The following AHCY variants were observed in gnomAD, a reference collection of about 807,000 sequenced individuals.
AHCY encodes S-adenosyl-L-homocysteine hydrolase.
A neutral mutation model predicts 45.4 loss-of-function variants in AHCY; 24 were observed. The ratio of observed to expected loss-of-function variants is 0.53; its 90% CI spans 0.38 to 0.74. AHCY has a LOEUF of 0.74. Among genes scored for constraint, AHCY ranks in the 30% least tolerant of loss-of-function variants. The pLI is 0.00. For missense variants in AHCY, 449 were observed against 594.1 expected, an observed-to-expected ratio of 0.76 and a Z score of 2.54; for synonymous variants, 245 against 235.1, an observed-to-expected ratio of 1.04 and a Z score of -0.39.
the AHCY span, among the ~76,000 whole-genome samples, chr20:34,262,104 C>CCCAGGAGTTTTTTT: frequency 4.0e-5 from 6 of 151,564 alleles, no homozygotes; most frequent in Non-Finnish European, 8.8e-5. Flanking sequence ...CAGAGTGAGA[C>CCCAGGAGTTTTTTT]TCTGTCTCAA....
the AHCY span, among the ~76,000 whole-genome samples, chr20:34,274,157 C>T: frequency 1.3e-5 from 2 of 152,194 alleles, no homozygotes; most frequent in Non-Finnish European, 2.9e-5. Flanking sequence ...CTGCTGCTCA[C>T]TGCTCGAGGC....
the AHCY span, among the ~76,000 whole-genome samples, chr20:34,249,541 C>G: frequency 1.3e-5 from 2 of 152,172 alleles, no homozygotes; most frequent in African/African-American, 2.4e-5. Flanking sequence ...CATGAGCATG[C>G]AGCTTGTGTA....
At chr20:34,264,542 A>C in the AHCY span, among the ~76,000 whole-genome samples, 1 of 152,326 alleles carries the variant, frequency 6.6e-6, no homozygotes, top group South Asian at 2.1e-4. Flanking sequence ...GAAGCAAAGA[A>C]GAGTCATGAC....
chr20:34,284,718 G>A (rs2036114395), intron 9 of AHCY, among the ~76,000 whole-genome samples: 1 of 152,158 alleles, frequency 6.6e-6, no homozygotes, highest in African/African-American at 2.4e-5. Context: ...AGCTACTCAA[G>A]AGGCTGAGGT....
chr20:34,292,378 T>C lies in AHCY; in HGVS notation c.425A>G (p.Lys142Arg). 1 of 1,613,484 alleles carries C rather than the reference T, an allele frequency of 6.2e-7. No homozygotes were observed. Among genetic ancestry groups the C allele is most frequent in the Non-Finnish European group, 8.5e-7 (1 of 1,180,014 alleles). ...CTCACCTGGCAGAAGCTGCGGGTAC[T>C]TGGTGTGGATGAGGTTGGTGAGGTC... Reference protein sequence around the residue: ...GGDLTNLIHTKYPQLLPGIRG... With the variant: ...GGDLTNLIHTRYPQLLPGIRG... The change falls in exon 4 of 10, where the codon AAG becomes AGG. Residue 142 changes from lysine to arginine, a missense_variant. By Grantham distance (26) the Lys-to-Arg change is conservative. Coordinates refer to ENST00000217426, the MANE Select transcript of AHCY (RefSeq NM_000687.4).
intron 2 of AHCY, 144 bp downstream of exon 2, chr20:34,295,251 G>A (rs946202810): frequency 9.9e-7 from 1 of 1,005,760 alleles, no homozygotes; most frequent in Non-Finnish European, 1.5e-6. Context: ...GGGAAACGGA[G>A]GAAACCGAGT....
rs368067303 is a variant in AHCY at position 34,295,330 on chromosome 20, G to A, written c.219+65C>T. On this transcript the variant is annotated intron_variant, in intron 2 of 9. Coordinates refer to ENST00000217426, the MANE Select transcript of AHCY (RefSeq NM_000687.4). ...GGAAGGTCCCCACCCTGGCACAGTC[G>A]TCTTCTTCCCTGGCTGAACCCAGGG... 4.7e-4 allele frequency: 745 copies of A among 1,594,842 alleles called. 11 individuals are homozygous for A. The South Asian group carries it at 7.6e-3, about 16-fold the overall frequency.
At chr20:34,275,321 G>A (rs1286216830), downstream of AHCY, among the ~76,000 whole-genome samples, 4 of 151,696 alleles carry the variant, frequency 2.6e-5, no homozygotes, top group South Asian at 2.1e-4. Flanking sequence ...TAGTAGAGAC[G>A]GGGTTTCACC....
the AHCY span, chr20:34,246,177 C>T: frequency 8.9e-7 from 1 of 1,128,028 alleles, no homozygotes; most frequent in Non-Finnish European, 1.3e-6. Context: ...TTCTTCTTTG[C>T]TCTAGGAATT....
At chr20:34,277,423 G>A (rs1409185372), downstream of AHCY, among the ~76,000 whole-genome samples, 2 of 151,928 alleles carry the variant, frequency 1.3e-5, no homozygotes, top group African/African-American at 4.8e-5. Flanking sequence ...TAAATTCCCT[G>A]CTCTCAAAAC....
the AHCY span, among the ~76,000 whole-genome samples, chr20:34,263,712 A>T: frequency 3.4e-5 from 5 of 145,400 alleles, no homozygotes; most frequent in Admixed American, 2.8e-4. Flanking sequence ...CTCGTTGCCC[A>T]GGCCAGAGTT....
At chr20:34,254,607 C>T in the AHCY span, among the ~76,000 whole-genome samples, 2 of 152,168 alleles carry the variant, frequency 1.3e-5, no homozygotes, top group African/African-American at 2.4e-5. Flanking sequence ...TGTATTCATC[C>T]TGCCTATTAT....
At chr20:34,268,773 C>G in the AHCY span, among the ~76,000 whole-genome samples, 1 of 151,350 alleles carries the variant, frequency 6.6e-6, no homozygotes, top group African/African-American at 2.4e-5. Flanking sequence ...AAAACACAAA[C>G]TAGGGAGAAG....
the AHCY span, among the ~76,000 whole-genome samples, chr20:34,259,847 C>T: frequency 6.6e-6 from 1 of 152,096 alleles, no homozygotes; most frequent in East Asian, 1.9e-4. Flanking sequence ...TACCTGCATT[C>T]GTTCTCTCTG....
At chr20:34,298,051 A>C (rs1418857897) in intron 1 of AHCY, among the ~76,000 whole-genome samples, 4 of 152,072 alleles carry the variant, frequency 2.6e-5, no homozygotes. Context: ...AGGCAGGAGA[A>C]TCACTTGAAC....
chr20:34,298,599 C>T (rs933077031), intron 1 of AHCY, among the ~76,000 whole-genome samples: 57 of 15,202 alleles, frequency 3.7e-3, no homozygotes, highest in Non-Finnish European at 4.9e-3. Context: ...TGGGAAGTGG[C>T]GGCGGCGGGA....
At chr20:34,300,562 TAATAC>T (rs2036735038) in intron 1 of AHCY, among the ~76,000 whole-genome samples, 2 of 126,402 alleles carry the variant, frequency 1.6e-5, no homozygotes, top group African/African-American at 1.1e-4. Context: ...CTCAAGCACC[TAATAC>T]AGTACCTGGC....
downstream of AHCY, among the ~76,000 whole-genome samples, chr20:34,279,002 G>A (rs1440091016): frequency 1.3e-5 from 2 of 150,236 alleles, no homozygotes; most frequent in South Asian, 2.1e-4. Flanking sequence ...CCAGCTACTT[G>A]GGAGGCTGAG....
chr20:34,273,684 T>C, the AHCY span, among the ~76,000 whole-genome samples: 2 of 152,198 alleles, frequency 1.3e-5, no homozygotes, highest in African/African-American at 4.8e-5. Context: ...AGAATTTAAT[T>C]TGAACTGAAT....
Sources: allele counts gnomAD v4.1 joint callset (sites outside exome capture counted in the v4.1 genomes callset), GRCh38; gene constraint gnomAD v4.1.1; transcripts MANE v1.5; gene names NCBI Gene and HGNC (gene_info 2026-07-23, HGNC 2026-07-21).